Variants in ALMS1 observed in about 807,000 individuals in gnomAD.
The protein encoded by ALMS1 is ALMS1 centrosome and basal body associated protein.
ALMS1 carries 271 observed loss-of-function variants against 352.2 expected under a neutral mutation model. That is an observed-to-expected ratio of 0.77 (90% CI 0.70 to 0.85). The LOEUF (loss-of-function observed/expected upper bound fraction) is 0.85. ALMS1 is among the 40% of genes least tolerant of loss of function. ALMS1 has a pLI of 0.00. For missense variants in ALMS1, 5,445 were observed against 4,870.7 expected, an observed-to-expected ratio of 1.12 and a Z score of -3.51; for synonymous variants, 1,865 against 1,761.2, an observed-to-expected ratio of 1.06 and a Z score of -1.48.
intron 1 of ALMS1, among the ~76,000 whole-genome samples, chr2:73,390,921 C>T (rs1670631283): frequency 6.6e-6 from 1 of 152,046 alleles, no homozygotes; most frequent in Non-Finnish European, 1.5e-5. Context: ...CAGATGCGCG[C>T]CACCATGCCC....
chr2:73,487,681 C>T (rs1340845715), intron 9 of ALMS1, among the ~76,000 whole-genome samples: 3 of 152,140 alleles, frequency 2.0e-5, no homozygotes, highest in Non-Finnish European at 4.4e-5. Flanking sequence ...GTCCTGCATC[C>T]ATGAAGAATG....
chr2:73,453,744 C>T lies in ALMS1; in HGVS notation c.7217C>T (p.Pro2406Leu), dbSNP rs1481573722. ...ACCATTGGGAATAAAATTATTATCCCTATGATGACTGTCATAAAAAGTGAT... is the reference window on the plus strand; with the variant it reads ...ACCATTGGGAATAAAATTATTATCCTTATGATGACTGTCATAAAAAGTGAT... ...SGTIGNKIII[P>L]MMTVIKSDSS... The change falls in exon 8 of 23, where the codon CCT (proline) becomes CTT (leucine). Residue 2406 changes from proline to leucine, a missense_variant. Transcript: ENST00000613296. The T allele has an allele frequency of 5.6e-6, 9 of 1,613,980 alleles. No homozygotes were observed. The highest frequency in any genetic ancestry group is 7.6e-6 in the Non-Finnish European group (9 of 1,180,020).
At chr2:73,556,275 ATG>A (rs1674540290) in intron 13 of ALMS1, among the ~76,000 whole-genome samples, 1 of 152,168 alleles carries the variant, frequency 6.6e-6, no homozygotes, top group Non-Finnish European at 1.5e-5. Context: ...AGTAAGAAAA[ATG>A]TGTGAATTTA....
chr2:73,467,914 C>T (rs771599759), intron 9 of ALMS1, among the ~76,000 whole-genome samples: 8 of 151,938 alleles, frequency 5.3e-5, no homozygotes, highest in Non-Finnish European at 8.8e-5. Context: ...GAATGGTTAC[C>T]TCTGGTGGAG....
intron 15 of ALMS1, among the ~76,000 whole-genome samples, chr2:73,563,584 G>A (rs1217113443): frequency 1.3e-4 from 20 of 151,692 alleles, no homozygotes; most frequent in African/African-American, 4.1e-4. Flanking sequence ...TTAGCCGGGC[G>A]TGGTGGCAGG....
intron 10 of ALMS1, among the ~76,000 whole-genome samples, chr2:73,495,260 A>G (rs1027595361): frequency 6.6e-6 from 1 of 152,022 alleles, no homozygotes; most frequent in Non-Finnish European, 1.5e-5. Flanking sequence ...TTTGAGCCGG[A>G]GTCTTGCTCT....
intron 7 of ALMS1, among the ~76,000 whole-genome samples, chr2:73,438,244 T>G (rs1392740013): frequency 1.3e-5 from 2 of 152,228 alleles, no homozygotes; most frequent in Non-Finnish European, 2.9e-5. Flanking sequence ...GGTCCCTTGA[T>G]ATTAGTTGCC....
intron 7 of ALMS1, among the ~76,000 whole-genome samples, chr2:73,439,428 T>C (rs750185561): frequency 2.0e-4 from 31 of 152,304 alleles, no homozygotes; most frequent in Admixed American, 5.2e-4. Flanking sequence ...CCTTTTTATC[T>C]GTCTTTTAGT....
Position 73,556,490 on chromosome 2 carries a change from A to G in ALMS1, c.10079-730A>G, listed in dbSNP as rs1350645335. On this transcript the variant is annotated intron_variant, in intron 13 of 22. Coordinates refer to ENST00000613296, the MANE Select transcript of ALMS1 (RefSeq NM_001378454.1). Reference sequence around the variant, plus strand: ...AATTGTATGAGAATGCTGTATTTAAAATCTAGATGATAAAAGTGCTTTTCT... The same window carrying G: ...AATTGTATGAGAATGCTGTATTTAAGATCTAGATGATAAAAGTGCTTTTCT... Among the ~76,000 whole-genome samples, 3 of 152,278 alleles carry G rather than the reference A, an allele frequency of 2.0e-5. No individual in the cohort carries two copies. The East Asian group carries it at 5.8e-4, about 29-fold the overall frequency.
chr2:73,464,290 C>T (rs1247718804), intron 9 of ALMS1, among the ~76,000 whole-genome samples: 16 of 152,148 alleles, frequency 1.1e-4, no homozygotes, highest in Non-Finnish European at 1.8e-4. Flanking sequence ...GCTGGTTCAA[C>T]ATATGCAAAT....
chr2:73,435,608 G>C (rs1445292337), intron 7 of ALMS1, among the ~76,000 whole-genome samples: 1 of 140,526 alleles, frequency 7.1e-6, no homozygotes, highest in Non-Finnish European at 1.6e-5. Context: ...TTAAGTTTTT[G>C]TTTTTTTTTT....
At chr2:73,536,974 G>C (rs1452152409) in intron 12 of ALMS1, among the ~76,000 whole-genome samples, 1 of 152,042 alleles carries the variant, frequency 6.6e-6, no homozygotes, top group African/African-American at 2.4e-5. Context: ...TCTTTTCCAA[G>C]ACCAGAGGAT....
At chr2:73,571,937 C>T (rs908204838) in intron 15 of ALMS1, among the ~76,000 whole-genome samples, 2 of 152,026 alleles carry the variant, frequency 1.3e-5, no homozygotes, top group African/African-American at 4.8e-5. Flanking sequence ...GAGCATATGT[C>T]ATAACACCCT....
At chr2:73,604,764 C>T (rs1442231366) in intron 21 of ALMS1, among the ~76,000 whole-genome samples, 1 of 152,210 alleles carries the variant, frequency 6.6e-6, no homozygotes, top group Admixed American at 6.5e-5. Flanking sequence ...TTCAGAATGA[C>T]ACCAGGATGT....
Position 73,450,808 on chromosome 2 carries a change from T to G in ALMS1, c.4281T>G (p.Thr1427=). ...CTGGGATACCAACTTTACCCTCTAC[T>G]TTCTACTCACACACAGAGAAGCCTG... ...RKTGIPTLPS[T]FYSHTEKPGS... The change falls in exon 8 of 23, where the codon ACT becomes ACG. Residue 1427 remains threonine (T), a synonymous_variant. Coordinates refer to ENST00000613296, the MANE Select transcript of ALMS1 (RefSeq NM_001378454.1). 1 of 1,613,312 alleles carries G rather than the reference T, an allele frequency of 6.2e-7. No individual in the cohort carries two copies. The highest frequency in any genetic ancestry group is 1.1e-5 in the South Asian group (1 of 91,052).
At chr2:73,601,115 A>T in intron 18 of ALMS1, 80 bp from the exon 19 acceptor site, 1 of 1,602,694 alleles carries the variant, frequency 6.2e-7, no homozygotes, top group South Asian at 1.1e-5. Context: ...CCTGTATTAT[A>T]TGCATATCCT....
chr2:73,546,860 C>T (rs1490455998), intron 12 of ALMS1, among the ~76,000 whole-genome samples: 1 of 152,142 alleles, frequency 6.6e-6, no homozygotes, highest in Non-Finnish European at 1.5e-5. Flanking sequence ...TGTAGTGATT[C>T]ATGAATCAGG....
chr2:73,507,052 A>G (rs1572981823), intron 10 of ALMS1, among the ~76,000 whole-genome samples: 1 of 151,590 alleles, frequency 6.6e-6, no homozygotes. Flanking sequence ...GTTTTTTGTT[A>G]TTGGTTCTGT....
At chr2:73,419,361 G>C (rs1429035340) in intron 3 of ALMS1, 43 bp downstream of exon 3, 1 of 1,591,172 alleles carries the variant, frequency 6.3e-7, no homozygotes, top group Non-Finnish European at 8.6e-7. Flanking sequence ...CCTCACATTT[G>C]TAAGTTTTGC....
Sources: allele counts gnomAD v4.1 joint callset (sites outside exome capture counted in the v4.1 genomes callset), GRCh38; gene constraint gnomAD v4.1.1; transcripts MANE v1.5; gene names NCBI Gene and HGNC (gene_info 2026-07-23, HGNC 2026-07-21).